The following PAPPA2 variants were observed in gnomAD, a reference collection of about 807,000 sequenced individuals.
The protein encoded by PAPPA2 is pappalysin-2.
PAPPA2 carries 86 observed loss-of-function variants against 176.4 expected under a neutral mutation model. The observed-to-expected ratio is 0.49, with a 90% CI of 0.41 to 0.58. PAPPA2 has a LOEUF of 0.58. PAPPA2 is among the 20% of genes least tolerant of loss of function. PAPPA2 has a pLI of 0.00. For missense variants in PAPPA2, 2,073 were observed against 2,256.9 expected (o/e 0.92, Z 1.65); for synonymous variants, 809 against 852.2 (o/e 0.95, Z 0.88).
rs762096199 is a variant in PAPPA2 at position 176,778,390 on chromosome 1, G to C, written c.4715+7210G>C. Among the ~76,000 whole-genome samples, 3 of 152,126 alleles carry C rather than the reference G, an allele frequency of 2.0e-5. No individual in the cohort carries two copies. In the South Asian group the frequency reaches 6.2e-4, roughly 32 times the overall value. ...AGGATGAGCAAATAAAGTCAGGCTG[G>C]TCTGGAAGGAGAAGGGCAAGGGCAT... On this transcript the variant is annotated intron_variant, in intron 17 of 22. Coordinates refer to ENST00000367662, the MANE Select transcript of PAPPA2 (RefSeq NM_020318.3).
chr1:176,627,561 C>G (rs1354327279), intron 3 of PAPPA2, among the ~76,000 whole-genome samples: 2 of 152,138 alleles, frequency 1.3e-5, no homozygotes, highest in African/African-American at 4.8e-5. Context: ...TAACGCTATT[C>G]TTTTAAAAAG....
chr1:176,565,324 A>G (rs1651901223), intron 2 of PAPPA2, among the ~76,000 whole-genome samples: 1 of 152,188 alleles, frequency 6.6e-6, no homozygotes, highest in South Asian at 2.1e-4. Flanking sequence ...AGGCTCTACC[A>G]GACTACCAAA....
intron 2 of PAPPA2, among the ~76,000 whole-genome samples, chr1:176,561,973 A>C (rs1273627160): frequency 6.6e-6 from 1 of 152,118 alleles, no homozygotes; most frequent in Non-Finnish European, 1.5e-5. Flanking sequence ...AAACCATGAG[A>C]TCTCCTGAGA....
chr1:176,498,751 CAAAA>C (rs1553352050), intron 1 of PAPPA2, among the ~76,000 whole-genome samples: 2 of 112,096 alleles, frequency 1.8e-5, no homozygotes, highest in Non-Finnish European at 3.8e-5. Context: ...CTCTTACCTC[CAAAA>C]AAAAAAAAAA....
chr1:176,638,058 T>C lies in PAPPA2; in HGVS notation c.1992-32912T>C, dbSNP rs530883633. ...AAGTGCCTTGCACTGTACTAGAAAA[T>C]AATAAATTCTCAAAAAACATTTTTG... On this transcript the variant is annotated intron_variant, in intron 3 of 22. Coordinates refer to ENST00000367662, the MANE Select transcript of PAPPA2 (RefSeq NM_020318.3). Among the ~76,000 whole-genome samples, 6 of 152,152 alleles carry C rather than the reference T, an allele frequency of 3.9e-5. 1 individual carries two copies. In the East Asian group the frequency reaches 1.2e-3, roughly 30 times the overall value.
chr1:176,727,695 A>T (rs1661945904), intron 12 of PAPPA2, among the ~76,000 whole-genome samples: 1 of 152,058 alleles, frequency 6.6e-6, no homozygotes, highest in South Asian at 2.1e-4. Context: ...AGATTTGAAG[A>T]TCATTATCAA....
chr1:176,530,009 A>T (rs1344347950), intron 1 of PAPPA2, among the ~76,000 whole-genome samples: 1 of 152,174 alleles, frequency 6.6e-6, no homozygotes, highest in Non-Finnish European at 1.5e-5. Context: ...AAACCTCAAC[A>T]ACATTACTTC....
chr1:176,608,257 TCA>T (rs1654722502), intron 3 of PAPPA2, among the ~76,000 whole-genome samples: 1 of 152,366 alleles, frequency 6.6e-6, no homozygotes, highest in African/African-American at 2.4e-5. Context: ...TTGCTCTTCC[TCA>T]CAGTGTTTTG....
At chr1:176,589,796 A>T (rs903082013) in intron 2 of PAPPA2, among the ~76,000 whole-genome samples, 1 of 152,228 alleles carries the variant, frequency 6.6e-6, no homozygotes, top group African/African-American at 2.4e-5. Context: ...CAAACTCAAG[A>T]GTTTCACCAA....
chr1:176,706,609 T>A (rs1660893619), intron 10 of PAPPA2, among the ~76,000 whole-genome samples, 159 bp downstream of exon 10: 1 of 152,180 alleles, frequency 6.6e-6, no homozygotes, highest in African/African-American at 2.4e-5. Flanking sequence ...AGGTATTATC[T>A]CAGTCAATCC....
chr1:176,765,965 C>G (rs1663946377), intron 15 of PAPPA2, 128 bp downstream of exon 15: 2 of 1,091,114 alleles, frequency 1.8e-6, no homozygotes, highest in Admixed American at 5.5e-5. Context: ...CATGGGGGCT[C>G]TAACAAGCAG....
At chr1:176,500,335 A>G (rs1314250287) in intron 1 of PAPPA2, among the ~76,000 whole-genome samples, 1 of 151,854 alleles carries the variant, frequency 6.6e-6, no homozygotes, top group African/African-American at 2.4e-5. Context: ...GTTCCTAAGC[A>G]AAAGGAAAAA....
intron 9 of PAPPA2, among the ~76,000 whole-genome samples, chr1:176,703,362 A>C (rs1007255669): frequency 6.6e-6 from 1 of 152,164 alleles, no homozygotes; most frequent in Non-Finnish European, 1.5e-5. Flanking sequence ...ATAGAGGACT[A>C]ATTAATTCAT....
intron 21 of PAPPA2, among the ~76,000 whole-genome samples, chr1:176,819,873 G>A (rs1250442284): frequency 1.3e-5 from 2 of 152,200 alleles, no homozygotes; most frequent in Non-Finnish European, 2.9e-5. Flanking sequence ...GCATCTCTTT[G>A]AATCTACTTG....
intron 12 of PAPPA2, among the ~76,000 whole-genome samples, chr1:176,722,216 A>AACAT (rs1360121674): frequency 6.6e-6 from 1 of 152,130 alleles, no homozygotes; most frequent in Non-Finnish European, 1.5e-5. Context: ...TTGACTTTAA[A>AACAT]ACATCGTATT....
At chr1:176,840,321 G>C in intron 22 of PAPPA2, 50 bp downstream of exon 22, 1 of 1,432,866 alleles carries the variant, frequency 7.0e-7, no homozygotes, top group South Asian at 1.2e-5. Flanking sequence ...CAGGAATAAA[G>C]GCAGGGTCTT....
chr1:176,791,292 A>G, intron 18 of PAPPA2, 55 bp from the exon 19 acceptor site: 1 of 1,507,080 alleles, frequency 6.6e-7, no homozygotes, highest in Non-Finnish European at 9.0e-7. Context: ...ACTTTTTTCA[A>G]CTCTCAATAA....
chr1:176,585,857 T>G (rs1468571816), intron 2 of PAPPA2, among the ~76,000 whole-genome samples: 1 of 152,134 alleles, frequency 6.6e-6, no homozygotes, highest in South Asian at 2.1e-4. Flanking sequence ...ATTTCTTTAT[T>G]GAATTTCTCA....
At chr1:176,634,301 T>C (rs191326204) in intron 3 of PAPPA2, among the ~76,000 whole-genome samples, 45 of 152,044 alleles carry the variant, frequency 3.0e-4, no homozygotes, top group Non-Finnish European at 5.1e-4. Flanking sequence ...GGGACATGGG[T>C]GAGCTGGAAA....
Sources: gnomAD v4.1 joint callset for allele counts (sites outside exome capture counted in the v4.1 genomes callset) on GRCh38, gnomAD v4.1.1 for gene constraint, MANE v1.5 for transcripts, NCBI Gene and HGNC (gene_info 2026-07-23, HGNC 2026-07-21) for gene names.